The following EBF3 variants were observed in gnomAD, a reference collection of about 807,000 sequenced individuals.
EBF3 encodes transcription factor COE3.
In EBF3, 18 loss-of-function variants were observed where a neutral mutation model predicts 77.1. That is an observed-to-expected ratio of 0.23 (90% CI 0.16 to 0.35). The LOEUF (loss-of-function observed/expected upper bound fraction) is 0.35. Among genes scored for constraint, EBF3 ranks in the 10% least tolerant of loss-of-function variants. EBF3 has a pLI of 1.00. For synonymous variants in EBF3, 350 were observed against 343.5 expected (o/e 1.02, Z -0.21); for missense variants, 558 against 860.0 (o/e 0.65, Z 4.39).
At chr10:129,894,866 C>T (rs1854260431) in intron 6 of EBF3, among the ~76,000 whole-genome samples, 1 of 152,240 alleles carries the variant, frequency 6.6e-6, no homozygotes, top group Non-Finnish European at 1.5e-5. Context: ...CAGGAAGTTG[C>T]CAGAGGGACA....
intron 8 of EBF3, 118 bp downstream of exon 8, chr10:129,873,334 A>G: frequency 8.1e-7 from 1 of 1,228,064 alleles, no homozygotes; most frequent in Non-Finnish European, 1.0e-6. Context: ...GCCTTGGTGC[A>G]GGAGGTCTGA....
In EBF3 at chr10:129,935,983, C is replaced by G. The variant is rs1005768335; in HGVS notation, c.554+21275G>C. On this transcript the variant is annotated intron_variant, in intron 6 of 16. Coordinates refer to ENST00000440978, the MANE Select transcript of EBF3 (RefSeq NM_001375380.1). This position sits in a 1 kb window ranked among gnomAD's most constrained non-coding sequence, Gnocchi z 4.2. ...TCGGGGGGCTTCCTGAAGCTGCCCC[C>G]CCCGCCCAACAATGCAGCTGGTGCC... Among the ~76,000 whole-genome samples the G allele has an allele frequency of 6.6e-6, 1 of 150,764 alleles. No individual in the cohort carries two copies. The highest frequency in any genetic ancestry group is 6.6e-5 in the Admixed American group (1 of 15,266).
chr10:129,873,623 T>C, intron 7 of EBF3, 27 bp from the exon 8 acceptor site: 2 of 1,491,964 alleles, frequency 1.3e-6, no homozygotes, highest in Non-Finnish European at 1.8e-6. Flanking sequence ...GATTTGAAAA[T>C]GGAATTGGCA....
chr10:129,890,698 T>C (rs1243566532), intron 6 of EBF3, among the ~76,000 whole-genome samples: 1 of 152,254 alleles, frequency 6.6e-6, no homozygotes, highest in African/African-American at 2.4e-5. Context: ...CCTCTCTAAA[T>C]ATTTGCTATG....
At position 129,935,096 on chromosome 10, in the gene EBF3, G is replaced by A. The variant is rs189585133; in HGVS notation, c.554+22162C>T. 6.6e-6 allele frequency among the ~76,000 whole-genome samples: 1 copy of A among 152,132 alleles called. No homozygotes were observed. Among genetic ancestry groups the A allele is most frequent in the Non-Finnish European group, 1.5e-5 (1 of 68,026 alleles). On this transcript the variant is annotated intron_variant, in intron 6 of 16. Coordinates refer to ENST00000440978, the MANE Select transcript of EBF3 (RefSeq NM_001375380.1). The surrounding 1 kb of genome is among the most constrained non-coding windows in gnomAD (Gnocchi z 4.2). ...CATCCTAACACATTAGCTGTAGCTG[G>A]TGGTCCGGTTCCCTAAGAACCGGAC...
At chr10:129,884,724 C>T (rs1051688029) in intron 6 of EBF3, among the ~76,000 whole-genome samples, 6 of 152,132 alleles carry the variant, frequency 3.9e-5, no homozygotes, top group Admixed American at 2.0e-4. Context: ...CTGGCCTGCA[C>T]GTGCATGCTC....
At chr10:129,900,189 A>G (rs1041991202) in intron 6 of EBF3, among the ~76,000 whole-genome samples, 6 of 152,232 alleles carry the variant, frequency 3.9e-5, no homozygotes, top group Non-Finnish European at 8.8e-5. Context: ...GTCATCATAA[A>G]GTAACTCCCC....
chr10:129,875,180 G>GCTT (rs1564846050), intron 7 of EBF3, among the ~76,000 whole-genome samples: 78 of 144,440 alleles, frequency 5.4e-4, no homozygotes, highest in African/African-American at 2.0e-3. Context: ...GCAAGTGATG[G>GCTT]CTTCTTCTTT....
At chr10:129,846,225 CTTCAA>C (rs754597352) in intron 11 of EBF3, among the ~76,000 whole-genome samples, 14 of 151,166 alleles carry the variant, frequency 9.3e-5, no homozygotes, top group Non-Finnish European at 1.9e-4. Flanking sequence ...AGGAGGTAAA[CTTCAA>C]TTCAAGCCAA....
intron 6 of EBF3, among the ~76,000 whole-genome samples, chr10:129,932,779 C>G (rs867826922): frequency 2.0e-5 from 3 of 152,194 alleles, no homozygotes; most frequent in Admixed American, 6.5e-5. Context: ...ACAGAGCCGG[C>G]ATGTGACCAG....
intron 10 of EBF3, among the ~76,000 whole-genome samples, chr10:129,857,464 T>C (rs946838987): frequency 8.5e-5 from 13 of 152,190 alleles, no homozygotes; most frequent in South Asian, 2.1e-4. Flanking sequence ...CTGCTCAGCC[T>C]CCAGGGGTAC....
At chr10:129,878,880 C>A (rs1852999609) in intron 6 of EBF3, among the ~76,000 whole-genome samples, 1 of 145,168 alleles carries the variant, frequency 6.9e-6, no homozygotes, top group African/African-American at 2.5e-5. Flanking sequence ...ATTGTTTTAA[C>A]CAAGAATTCT....
chr10:129,958,208 G>A (rs1859185132), intron 5 of EBF3, among the ~76,000 whole-genome samples: 1 of 152,232 alleles, frequency 6.6e-6, no homozygotes, highest in African/African-American at 2.4e-5. Context: ...TTAGGCAACC[G>A]GCATCATAGC....
At chr10:129,877,886 T>C in intron 6 of EBF3, 37 bp from the exon 7 acceptor site, 2 of 1,548,402 alleles carry the variant, frequency 1.3e-6, no homozygotes, top group Non-Finnish European at 8.8e-7. Context: ...TTATTAGGGT[T>C]ATCAGACAAA....
intron 6 of EBF3, among the ~76,000 whole-genome samples, chr10:129,881,628 A>G (rs1853220186): frequency 6.6e-6 from 1 of 152,190 alleles, no homozygotes; most frequent in South Asian, 2.1e-4. Context: ...GGACTAGGAC[A>G]GGGAACCATA....
chr10:129,956,505 G>C (rs1298029185), intron 6 of EBF3, among the ~76,000 whole-genome samples: 1 of 152,208 alleles, frequency 6.6e-6, no homozygotes, highest in Non-Finnish European at 1.5e-5. Flanking sequence ...GAGGAGGGTG[G>C]TGGTGTTTTT....
In EBF3 at chr10:129,899,574, A is replaced by G. The variant is rs79940179; in HGVS notation, c.555-21725T>C. Reference sequence around the variant, plus strand: ...GGGAAGCCCAGGAGGAGAAACGGACATGTCCCAGTTGCTCTTTGAAATGGC... The same window carrying G: ...GGGAAGCCCAGGAGGAGAAACGGACGTGTCCCAGTTGCTCTTTGAAATGGC... On this transcript the variant is annotated intron_variant, in intron 6 of 16. Coordinates refer to ENST00000440978, the MANE Select transcript of EBF3 (RefSeq NM_001375380.1). 1.1e-3 allele frequency among the ~76,000 whole-genome samples: 164 copies of G among 152,318 alleles called. 1 individual carries two copies. The highest frequency in any genetic ancestry group is 3.6e-3 in the African/African-American group (150 of 41,568).
intron 6 of EBF3, among the ~76,000 whole-genome samples, chr10:129,880,476 C>T (rs7916486): frequency 0.038 from 5,791 of 152,176 alleles, 380 homozygotes; most frequent in African/African-American, 0.13. Context: ...TGCACACATA[C>T]GCACATACAT....
chr10:129,945,525 T>C (rs1216639384), intron 6 of EBF3, among the ~76,000 whole-genome samples: 3 of 152,156 alleles, frequency 2.0e-5, no homozygotes, highest in Non-Finnish European at 2.9e-5. Flanking sequence ...TAAATTAGCA[T>C]TAGATGGAAC....
Sources: gnomAD v4.1 joint callset for allele counts (sites outside exome capture counted in the v4.1 genomes callset) on GRCh38, gnomAD v4.1.1 for gene constraint, Gnocchi (gnomAD v3.1) non-coding constraint, MANE v1.5 for transcripts, NCBI Gene and HGNC (gene_info 2026-07-23, HGNC 2026-07-21) for gene names.